The following DPYD variants were observed in gnomAD, a reference collection of about 807,000 sequenced individuals.
The protein encoded by DPYD is dihydropyrimidine dehydrogenase, also known as dihydropyrimidine dehydrogenase [NADP(+)].
DPYD carries 109 observed loss-of-function variants against 116.2 expected under a neutral mutation model. The observed-to-expected ratio is 0.94, with a 90% CI of 0.80 to 1.10. The LOEUF (loss-of-function observed/expected upper bound fraction) is 1.10. Among genes scored for constraint, DPYD ranks in the 50% least tolerant of loss-of-function variants. DPYD has a pLI of 0.00. For missense variants in DPYD, 1,302 were observed against 1,254.5 expected (o/e 1.04, Z -0.57); for synonymous variants, 440 against 432.0 (o/e 1.02, Z -0.23).
chr1:97,446,150 C>T lies in DPYD; in HGVS notation c.1905+3909G>A, dbSNP rs1423098817. ...AGAGTTGCTGCAGAAATCTGAAGTACTTATACTCACCACGACATCAAAATT... is the reference window on the plus strand; with the variant it reads ...AGAGTTGCTGCAGAAATCTGAAGTATTTATACTCACCACGACATCAAAATT... On this transcript the variant is annotated intron_variant, in intron 14 of 22. Transcript: ENST00000370192. Among the ~76,000 whole-genome samples the T allele has an allele frequency of 3.3e-5, 5 of 152,126 alleles. No homozygotes were observed. The South Asian group carries it at 8.3e-4, about 25-fold the overall frequency.
rs1390031300 is a variant in DPYD, at chr1:97,559,423, TA to T, written c.1340-9680del. Among the ~76,000 whole-genome samples, 8 of 152,268 alleles carry T rather than the reference TA, an allele frequency of 5.3e-5. No individual in the cohort carries two copies. In the South Asian group the frequency reaches 1.7e-3, roughly 32 times the overall value. ...GATTCCCTAAATAGAGCTTTAAAAG[TA>T]AGTCTATGTGTGTCTGACTGCCATG... On this transcript the variant is annotated intron_variant, in intron 11 of 22. Transcript: ENST00000370192.
chr1:97,301,119 A>G (rs1323911508), intron 18 of DPYD, among the ~76,000 whole-genome samples: 1 of 152,126 alleles, frequency 6.6e-6, no homozygotes, highest in Non-Finnish European at 1.5e-5. Context: ...TTCATGGAAT[A>G]TTCCATTATA....
At chr1:97,460,374 G>A (rs1158507697) in intron 13 of DPYD, among the ~76,000 whole-genome samples, 2 of 152,052 alleles carry the variant, frequency 1.3e-5, no homozygotes, top group African/African-American at 4.8e-5. Flanking sequence ...CCACTGATGA[G>A]GATTTCAGTC....
chr1:97,437,928 A>G (rs1249758325), intron 14 of DPYD, among the ~76,000 whole-genome samples: 2 of 151,992 alleles, frequency 1.3e-5, no homozygotes, highest in African/African-American at 4.8e-5. Flanking sequence ...ATCAAGGCTT[A>G]CTTTCTTGTT....
chr1:97,660,982 T>C (rs1371878907), intron 8 of DPYD, among the ~76,000 whole-genome samples: 1 of 152,114 alleles, frequency 6.6e-6, no homozygotes, highest in Non-Finnish European at 1.5e-5. Context: ...AAAACCCAAC[T>C]GACAAACTCT....
intron 19 of DPYD, among the ~76,000 whole-genome samples, chr1:97,223,566 C>A (rs914000395): frequency 6.6e-6 from 1 of 151,856 alleles, no homozygotes; most frequent in African/African-American, 2.4e-5. Flanking sequence ...ATTATAGAAA[C>A]CTACAGTCAT....
chr1:97,609,332 C>T (rs1557834710), intron 8 of DPYD, among the ~76,000 whole-genome samples: 1 of 151,896 alleles, frequency 6.6e-6, no homozygotes, highest in Non-Finnish European at 1.5e-5. Context: ...TCTTTTGAAA[C>T]CCTAACTTGC....
At chr1:97,455,079 G>T (rs1676608675) in intron 13 of DPYD, among the ~76,000 whole-genome samples, 2 of 151,784 alleles carry the variant, frequency 1.3e-5, no homozygotes, top group Admixed American at 1.3e-4. Flanking sequence ...TATAAGTAAG[G>T]TAACAACTAA....
intron 15 of DPYD, among the ~76,000 whole-genome samples, chr1:97,377,219 CA>C (rs1430246479): frequency 1.3e-5 from 2 of 150,522 alleles, no homozygotes; most frequent in Non-Finnish European, 3.0e-5. Flanking sequence ...TGAAAGGTGC[CA>C]AAAAAGAAAG....
At chr1:97,255,708 G>GTT (rs11428644) in intron 18 of DPYD, among the ~76,000 whole-genome samples, 3,358 of 149,094 alleles carry the variant, frequency 0.023, 73 homozygotes, top group African/African-American at 0.056. Flanking sequence ...TATTTTTGCC[G>GTT]TTTTTTTTTT....
chr1:97,350,567 A>G (rs115872137), intron 16 of DPYD, among the ~76,000 whole-genome samples: 5,095 of 152,230 alleles, frequency 0.033, 131 homozygotes, highest in Non-Finnish European at 0.05. Flanking sequence ...TGATATATTA[A>G]TAGCTTATTA....
At chr1:97,532,835 A>G (rs1649728713) in intron 12 of DPYD, among the ~76,000 whole-genome samples, 1 of 147,114 alleles carries the variant, frequency 6.8e-6, no homozygotes, top group Admixed American at 6.7e-5. Flanking sequence ...GTTCTATTGT[A>G]TTTTTATTCA....
At chr1:97,817,240 A>T (rs1668670286) in intron 3 of DPYD, among the ~76,000 whole-genome samples, 1 of 152,132 alleles carries the variant, frequency 6.6e-6, no homozygotes, top group South Asian at 2.1e-4. Context: ...GCCTTTTACA[A>T]TAAAATGTTT....
chr1:97,753,750 A>G (rs1665065757), intron 3 of DPYD, among the ~76,000 whole-genome samples: 1 of 152,126 alleles, frequency 6.6e-6, no homozygotes, highest in African/African-American at 2.4e-5. Flanking sequence ...TCCAGTAGAA[A>G]TACTAGACAA....
intron 20 of DPYD, among the ~76,000 whole-genome samples, chr1:97,137,550 TTCTC>T (rs1653901755): frequency 2.0e-5 from 3 of 152,220 alleles, no homozygotes; most frequent in African/African-American, 7.2e-5. Flanking sequence ...GAAAGACAAT[TTCTC>T]TCATTGCGCT....
At chr1:97,790,707 T>G (rs529162178) in intron 3 of DPYD, among the ~76,000 whole-genome samples, 1 of 152,336 alleles carries the variant, frequency 6.6e-6, no homozygotes, top group East Asian at 1.9e-4. Flanking sequence ...CACTCATCTT[T>G]AGAATTCTTC....
chr1:97,173,311 T>C lies in DPYD; in HGVS notation c.2622+19758A>G, dbSNP rs557947335. ...ATATGTACACATATGTACATATATA[T>C]GCACACATATATACACATATATGTG... On this transcript the variant is annotated intron_variant, in intron 20 of 22. Transcript: ENST00000370192. 1.6e-3 allele frequency among the ~76,000 whole-genome samples: 246 copies of C among 149,610 alleles called. 1 individual carries two copies. Among genetic ancestry groups the C allele is most frequent in the African/African-American group, 4.3e-3 (174 of 40,192 alleles).
chr1:97,908,410 T>A (rs1673757046), intron 1 of DPYD, among the ~76,000 whole-genome samples: 2 of 151,962 alleles, frequency 1.3e-5, no homozygotes, highest in Admixed American at 1.3e-4. Flanking sequence ...TATAACTCAG[T>A]GCTTCTGTCA....
At chr1:97,444,004 G>A (rs543333490) in intron 14 of DPYD, among the ~76,000 whole-genome samples, 1 of 152,248 alleles carries the variant, frequency 6.6e-6, no homozygotes, top group Non-Finnish European at 1.5e-5. Flanking sequence ...AATTTCAGAT[G>A]AGGCCAGGTA....
Sources: allele counts gnomAD v4.1 joint callset (sites outside exome capture counted in the v4.1 genomes callset), GRCh38; gene constraint gnomAD v4.1.1; transcripts MANE v1.5; gene names NCBI Gene and HGNC (gene_info 2026-07-23, HGNC 2026-07-21).